ACBD6: variants seen among roughly 807,000 people sequenced by gnomAD.
The protein encoded by ACBD6 is acyl-CoA binding domain containing 6, also known as acyl-CoA-binding domain-containing protein 6.
ACBD6 carries 28 observed loss-of-function variants against 37.2 expected under a neutral mutation model. The ratio of observed to expected loss-of-function variants is 0.75; its 90% CI spans 0.56 to 1.03. The LOEUF is 1.03. ACBD6 is among the 50% of genes least tolerant of loss of function. ACBD6 has a pLI of 0.00. For synonymous variants in ACBD6, 113 were observed against 126.8 expected, an observed-to-expected ratio of 0.89 and a Z score of 0.73; for missense variants, 340 against 337.4, an observed-to-expected ratio of 1.01 and a Z score of -0.06.
chr1:180,325,072 GAGGT>G (rs1651204789), intron 6 of ACBD6, among the ~76,000 whole-genome samples: 1 of 152,032 alleles, frequency 6.6e-6, no homozygotes. Context: ...TAAATGCCTT[GAGGT>G]AGTCTTCTTT....
intron 3 of ACBD6, among the ~76,000 whole-genome samples, chr1:180,446,427 T>C (rs1010917118): frequency 6.6e-6 from 1 of 152,192 alleles, no homozygotes; most frequent in African/African-American, 2.4e-5. Flanking sequence ...AGTTGCTAGA[T>C]TAATACTATC....
intron 6 of ACBD6, among the ~76,000 whole-genome samples, chr1:180,317,161 C>A (rs1466444403): frequency 2.0e-5 from 3 of 152,098 alleles, no homozygotes; most frequent in Non-Finnish European, 2.9e-5. Flanking sequence ...CCTCTCTGAT[C>A]AAAAGTAAAG....
intron 6 of ACBD6, among the ~76,000 whole-genome samples, chr1:180,395,475 T>A (rs901922259): frequency 4.6e-5 from 7 of 152,196 alleles, no homozygotes; most frequent in East Asian, 1.9e-4. Flanking sequence ...GATTTTTTTT[T>A]ATTTTTATTT....
At chr1:180,390,503 T>C (rs999896882) in intron 6 of ACBD6, among the ~76,000 whole-genome samples, 3 of 152,160 alleles carry the variant, frequency 2.0e-5, no homozygotes, top group Non-Finnish European at 2.9e-5. Context: ...TTTGGTTCCA[T>C]ATGAACTTTA....
chr1:180,409,279 A>C (rs998941447), intron 5 of ACBD6, among the ~76,000 whole-genome samples: 2 of 152,256 alleles, frequency 1.3e-5, no homozygotes, highest in African/African-American at 4.8e-5. Context: ...TAACTTTATA[A>C]AAATTTTAAC....
At chr1:180,338,939 A>G (rs1207079367) in intron 6 of ACBD6, among the ~76,000 whole-genome samples, 1 of 152,264 alleles carries the variant, frequency 6.6e-6, no homozygotes, top group African/African-American at 2.4e-5. Context: ...GATGCTTATC[A>G]TCACTGGCCA....
chr1:180,439,969 G>A (rs757135561), intron 3 of ACBD6, among the ~76,000 whole-genome samples: 2 of 152,144 alleles, frequency 1.3e-5, no homozygotes, highest in South Asian at 4.1e-4. Flanking sequence ...GCACTTCCAG[G>A]ACTCTTCATT....
At chr1:180,300,060 T>A (rs565249978) in intron 7 of ACBD6, among the ~76,000 whole-genome samples, 1 of 152,248 alleles carries the variant, frequency 6.6e-6, no homozygotes, top group Admixed American at 6.5e-5. Context: ...GAGCCAGGAT[T>A]TACAACCTGC....
chr1:180,360,617 G>A (rs558139889), intron 6 of ACBD6, among the ~76,000 whole-genome samples: 1 of 152,206 alleles, frequency 6.6e-6, no homozygotes, highest in African/African-American at 2.4e-5. Context: ...ACTGCCCTAT[G>A]CTAGTAAATT....
chr1:180,319,234 C>T (rs775781063), intron 6 of ACBD6, among the ~76,000 whole-genome samples: 4 of 152,198 alleles, frequency 2.6e-5, no homozygotes, highest in Admixed American at 1.3e-4. Context: ...GCAAGTACTA[C>T]GTCTTTCATC....
At chr1:180,309,710 A>G (rs915228336) in intron 7 of ACBD6, among the ~76,000 whole-genome samples, 3 of 152,198 alleles carry the variant, frequency 2.0e-5, no homozygotes, top group African/African-American at 7.2e-5. Flanking sequence ...GGCATCAGGA[A>G]AAATGAGTAG....
chr1:180,367,067 T>C (rs1653079934), intron 6 of ACBD6, among the ~76,000 whole-genome samples: 1 of 152,224 alleles, frequency 6.6e-6, no homozygotes. Context: ...CCTGTAAGGA[T>C]AAAATGAGCT....
chr1:180,453,097 G>A (rs1014668294), intron 3 of ACBD6, among the ~76,000 whole-genome samples: 13 of 152,102 alleles, frequency 8.5e-5, no homozygotes, highest in African/African-American at 1.7e-4. Context: ...ATCAAAACCC[G>A]GCAGAGACAC....
chr1:180,407,625 T>C (rs1197148172), intron 5 of ACBD6, among the ~76,000 whole-genome samples: 1 of 152,214 alleles, frequency 6.6e-6, no homozygotes, highest in East Asian at 1.9e-4. Flanking sequence ...TCTTTTTATT[T>C]ATCCTTCTAA....
chr1:180,446,153 C>T (rs1208222218), intron 3 of ACBD6, among the ~76,000 whole-genome samples: 1 of 151,692 alleles, frequency 6.6e-6, no homozygotes, highest in Non-Finnish European at 1.5e-5. Flanking sequence ...CAAGCAAGCA[C>T]CATCACGCCG....
intron 6 of ACBD6, among the ~76,000 whole-genome samples, chr1:180,359,799 TCTC>T (rs1228262384): frequency 6.6e-6 from 1 of 152,110 alleles, no homozygotes; most frequent in African/African-American, 2.4e-5. Flanking sequence ...GTTTTTTTTG[TCTC>T]CTATTTATTT....
intron 1 of ACBD6, among the ~76,000 whole-genome samples, chr1:180,499,753 T>A (rs1651878320): frequency 6.6e-6 from 1 of 152,170 alleles, no homozygotes; most frequent in Admixed American, 6.5e-5. Context: ...GTATAACAAA[T>A]GACCAAAGAG....
chr1:180,311,867 AG>A (rs1458323531), intron 7 of ACBD6, among the ~76,000 whole-genome samples: 1 of 152,200 alleles, frequency 6.6e-6, no homozygotes, highest in Non-Finnish European at 1.5e-5. Flanking sequence ...TACCATTTCT[AG>A]AAGCTATTAA....
At chr1:180,401,433 T>C (rs146570108) in intron 5 of ACBD6, among the ~76,000 whole-genome samples, 27 of 152,156 alleles carry the variant, frequency 1.8e-4, no homozygotes, top group African/African-American at 5.5e-4. Context: ...CCATAAACCA[T>C]GTAGAATTTT....
Sources: allele counts gnomAD v4.1 joint callset (sites outside exome capture counted in the v4.1 genomes callset), GRCh38; gene constraint gnomAD v4.1.1; transcripts MANE v1.5; gene names NCBI Gene and HGNC (gene_info 2026-07-23, HGNC 2026-07-21).